LINGO2: variants seen among roughly 807,000 people sequenced by gnomAD.
LINGO2 encodes the protein leucine rich repeat and Ig domain containing 2.
LINGO2 carries 14 observed loss-of-function variants against 30.6 expected under a neutral mutation model. The ratio of observed to expected loss-of-function variants is 0.46; its 90% CI spans 0.30 to 0.72. The LOEUF is 0.72. Among genes scored for constraint, LINGO2 ranks in the 30% least tolerant of loss-of-function variants. LINGO2 has a pLI of 0.07. For missense variants in LINGO2, 729 were observed against 751.7 expected (o/e 0.97, Z 0.35); for synonymous variants, 317 against 288.5 (o/e 1.10, Z -1.00).
chr9:28,610,916 A>G (rs575080117), intron 1 of LINGO2, among the ~76,000 whole-genome samples: 2 of 152,304 alleles, frequency 1.3e-5, no homozygotes, highest in East Asian at 3.9e-4. Context: ...TGAAATCTAA[A>G]TTGTATTCTA....
Position 28,460,144 on chromosome 9 carries a change from C to T in LINGO2, c.-279+15796G>A, listed in dbSNP as rs971584206. ...TTTTGTCAGCTATCCCTTTTTGACA[C>T]TGACAGTATATCTGATTTAAACAGA... On this transcript the variant is annotated intron_variant, in intron 2 of 5. Transcript: ENST00000379992. 6.6e-5 allele frequency among the ~76,000 whole-genome samples: 10 copies of T among 152,130 alleles called. No homozygotes were observed. The East Asian group carries it at 1.9e-3, about 29-fold the overall frequency.
chr9:28,269,456 T>A (rs1310811093), intron 4 of LINGO2, among the ~76,000 whole-genome samples: 1 of 152,174 alleles, frequency 6.6e-6, no homozygotes, highest in African/African-American at 2.4e-5. Context: ...TTCACTTAAA[T>A]GTCACATTAT....
intron 5 of LINGO2, among the ~76,000 whole-genome samples, chr9:27,982,956 G>A (rs1426524764): frequency 6.6e-6 from 1 of 151,638 alleles, no homozygotes; most frequent in Non-Finnish European, 1.5e-5. Context: ...TGTACATGCA[G>A]CACACAATAC....
At chr9:28,763,310 TAAG>T in the LINGO2 span, among the ~76,000 whole-genome samples, 7 of 152,118 alleles carry the variant, frequency 4.6e-5, no homozygotes, top group East Asian at 1.2e-3. Flanking sequence ...TTAACAAATT[TAAG>T]AAGACTGAAA....
At chr9:28,611,349 T>TTG (rs34606835) in intron 1 of LINGO2, among the ~76,000 whole-genome samples, 2,082 of 149,424 alleles carry the variant, frequency 0.014, 22 homozygotes, top group African/African-American at 0.03. Context: ...ATGTTAACAT[T>TTG]TGTGTGTGTG....
At chr9:28,683,219 T>A in the LINGO2 span, among the ~76,000 whole-genome samples, 1 of 152,192 alleles carries the variant, frequency 6.6e-6, no homozygotes, top group African/African-American at 2.4e-5. Context: ...ATTCTAAACA[T>A]TGAAACAAAT....
the LINGO2 span, among the ~76,000 whole-genome samples, chr9:28,876,500 G>A: frequency 6.6e-6 from 1 of 151,768 alleles, no homozygotes; most frequent in Non-Finnish European, 1.5e-5. Context: ...AACACGTGGT[G>A]TTTGGTTTTT....
chr9:28,303,782 A>G (rs1244646182), intron 3 of LINGO2, among the ~76,000 whole-genome samples: 1 of 151,964 alleles, frequency 6.6e-6, no homozygotes, highest in Non-Finnish European at 1.5e-5. Context: ...TGAGTAGGCT[A>G]AGGAGGAGGA....
At chr9:28,843,085 T>G in the LINGO2 span, among the ~76,000 whole-genome samples, 1 of 151,910 alleles carries the variant, frequency 6.6e-6, no homozygotes, top group African/African-American at 2.4e-5. Context: ...CAAATTCTGA[T>G]TAAGGCTATT....
the LINGO2 span, among the ~76,000 whole-genome samples, chr9:29,147,836 G>A: frequency 6.6e-6 from 1 of 151,908 alleles, no homozygotes. Context: ...AAAACCATCT[G>A]CAAACTAAAT....
At chr9:29,177,562 C>T in the LINGO2 span, among the ~76,000 whole-genome samples, 2 of 152,162 alleles carry the variant, frequency 1.3e-5, no homozygotes, top group East Asian at 3.9e-4. Context: ...TGGATATGTC[C>T]CCAGAGGTGA....
intron 3 of LINGO2, among the ~76,000 whole-genome samples, chr9:28,360,807 T>C (rs2134504849): frequency 6.6e-6 from 1 of 152,272 alleles, no homozygotes; most frequent in South Asian, 2.1e-4. Flanking sequence ...TTGCCCTCTA[T>C]ACTGGCCAGC....
intron 3 of LINGO2, among the ~76,000 whole-genome samples, chr9:28,321,184 G>T (rs1438354468): frequency 6.6e-6 from 1 of 151,976 alleles, no homozygotes; most frequent in Non-Finnish European, 1.5e-5. Context: ...TATTCCATAT[G>T]TTTCTCCATA....
At chr9:29,112,325 C>T in the LINGO2 span, among the ~76,000 whole-genome samples, 1 of 152,056 alleles carries the variant, frequency 6.6e-6, no homozygotes. Context: ...TTTTTGGGCT[C>T]CAGCTAAGAC....
Position 27,987,711 on chromosome 9 carries a change from C to T in LINGO2, c.-36+24644G>A, listed in dbSNP as rs529461203. Among the ~76,000 whole-genome samples the T allele has an allele frequency of 9.3e-4, 142 of 152,016 alleles. 1 individual carries two copies. The highest frequency in any genetic ancestry group is 1.7e-3 in the Non-Finnish European group (115 of 67,906). ...AGTGAATGCTATTGTGTTTCTCAGA[C>T]TGTGGCCTTGGAAGGATCCAATTAA... On this transcript the variant is annotated intron_variant, in intron 5 of 5. Transcript: ENST00000379992.
the LINGO2 span, among the ~76,000 whole-genome samples, chr9:28,975,611 CT>C: frequency 1.3e-5 from 2 of 152,140 alleles, no homozygotes; most frequent in Non-Finnish European, 2.9e-5. Flanking sequence ...TCATATACAA[CT>C]TATGGTTTCA....
intron 4 of LINGO2, among the ~76,000 whole-genome samples, chr9:28,163,344 A>G (rs1178474586): frequency 1.3e-5 from 2 of 152,170 alleles, no homozygotes; most frequent in African/African-American, 4.8e-5. Flanking sequence ...TATGAACAGC[A>G]TGCCAAGAGG....
chr9:28,802,517 G>A, the LINGO2 span, among the ~76,000 whole-genome samples: 1 of 151,858 alleles, frequency 6.6e-6, no homozygotes, highest in Non-Finnish European at 1.5e-5. Context: ...ATAAAAATAA[G>A]AATATAAGTG....
chr9:28,251,589 C>A (rs956196127), intron 4 of LINGO2, among the ~76,000 whole-genome samples: 1 of 151,194 alleles, frequency 6.6e-6, no homozygotes, highest in Non-Finnish European at 1.5e-5. Flanking sequence ...ATCTCTTTAG[C>A]AGATTGTCTG....
Sources: gnomAD v4.1 joint callset for allele counts (sites outside exome capture counted in the v4.1 genomes callset) on GRCh38, gnomAD v4.1.1 for gene constraint, MANE v1.5 for transcripts, NCBI Gene and HGNC (gene_info 2026-07-23, HGNC 2026-07-21) for gene names.